Variants in FHAD1 observed in about 807,000 individuals in gnomAD.
FHAD1 encodes forkhead-associated domain-containing protein 1.
FHAD1 carries 146 observed loss-of-function variants against 191.3 expected under a neutral mutation model. That is an observed-to-expected ratio of 0.76 (90% CI 0.67 to 0.88). The LOEUF (loss-of-function observed/expected upper bound fraction) is 0.88, where lower values mean the gene tolerates loss of function less well. FHAD1 is among the 40% of genes least tolerant of loss of function. The probability of loss-of-function intolerance (pLI) is 0.00; values close to 1 mark genes in which losing one functional copy is unlikely to be tolerated. For missense variants in FHAD1, 1,635 were observed against 1,785.8 expected, an observed-to-expected ratio of 0.92 and a Z score of 1.52; for synonymous variants, 616 against 672.3, an observed-to-expected ratio of 0.92 and a Z score of 1.29.
intron 2 of FHAD1, among the ~76,000 whole-genome samples, chr1:15,259,977 C>A (rs976456886): frequency 1.3e-5 from 2 of 152,194 alleles, no homozygotes; most frequent in Non-Finnish European, 2.9e-5. Flanking sequence ...GGCCCTGCCA[C>A]CCACATGCAA....
chr1:15,379,901 C>T (rs974345910), intron 28 of FHAD1, among the ~76,000 whole-genome samples: 10 of 152,162 alleles, frequency 6.6e-5, no homozygotes, highest in Non-Finnish European at 1.2e-4. Flanking sequence ...TAGTACAGAA[C>T]GAAATGGAGT....
intron 4 of FHAD1, among the ~76,000 whole-genome samples, chr1:15,296,082 GC>G (rs1666863196): frequency 6.6e-6 from 1 of 152,116 alleles, no homozygotes; most frequent in African/African-American, 2.4e-5. Context: ...TAAACGATCT[GC>G]CCAAGATCAC....
rs1025539477 is a variant in FHAD1 at position 15,350,255 on chromosome 1, C to G, written c.2454+1106C>G. Among the ~76,000 whole-genome samples, 3 of 152,232 alleles carry G rather than the reference C, an allele frequency of 2.0e-5. No homozygotes were observed. The East Asian group carries it at 5.8e-4, about 29-fold the overall frequency. Reference sequence around the variant, plus strand: ...CAGGCTGCCAGAGCTTCCATCCTAGCGCAGGGGAGACAGACAGCCTGCGGA... The same window carrying G: ...CAGGCTGCCAGAGCTTCCATCCTAGGGCAGGGGAGACAGACAGCCTGCGGA... On this transcript the variant is annotated intron_variant, in intron 19 of 33. Transcript: ENST00000688493.
intron 4 of FHAD1, among the ~76,000 whole-genome samples, chr1:15,290,698 T>C (rs541955796): frequency 1.3e-5 from 2 of 151,716 alleles, no homozygotes; most frequent in South Asian, 4.2e-4. Context: ...TATGAACTTT[T>C]TTTTTTTTTT....
intron 3 of FHAD1, among the ~76,000 whole-genome samples, chr1:15,274,560 C>A (rs548622451): frequency 3.3e-5 from 5 of 151,584 alleles, no homozygotes; most frequent in Non-Finnish European, 7.4e-5. Context: ...TGCCGTGAGC[C>A]GAGATCATGC....
At chr1:15,383,059 A>G (rs3820067) in intron 31 of FHAD1, 109,023 of 448,310 alleles carry the variant, frequency 0.24, 13,618 homozygotes, top group African/African-American at 0.34. Context: ...AGCATGGTAC[A>G]GGAGTCAGCC....
chr1:15,331,771 A>G (rs563775373), intron 14 of FHAD1, among the ~76,000 whole-genome samples: 2 of 152,090 alleles, frequency 1.3e-5, no homozygotes, highest in South Asian at 2.1e-4. Flanking sequence ...AGGAAGGAAG[A>G]TTAAAGCCAT....
intron 24 of FHAD1, among the ~76,000 whole-genome samples, chr1:15,366,734 C>T (rs1040337683): frequency 2.6e-5 from 4 of 152,176 alleles, no homozygotes; most frequent in Non-Finnish European, 4.4e-5. Flanking sequence ...AGAGTAGGGG[C>T]AAAATAACTG....
At chr1:15,385,107 T>A (rs1037019288) in intron 31 of FHAD1, among the ~76,000 whole-genome samples, 1 of 123,628 alleles carries the variant, frequency 8.1e-6, no homozygotes. Flanking sequence ...CTCCTGTTTG[T>A]CAAGGGAAAA....
chr1:15,271,621 G>T (rs898758908), intron 2 of FHAD1, among the ~76,000 whole-genome samples: 2 of 29,780 alleles, frequency 6.7e-5, no homozygotes, highest in African/African-American at 2.6e-4. Context: ...ATAACTAATC[G>T]CATGGGAAAT....
At chr1:15,322,798 G>A (rs1676757976) in intron 10 of FHAD1, among the ~76,000 whole-genome samples, 1 of 152,188 alleles carries the variant, frequency 6.6e-6, no homozygotes, top group African/African-American at 2.4e-5. Flanking sequence ...AGGCGTCACG[G>A]CCAAAGGTGC....
intron 21 of FHAD1, among the ~76,000 whole-genome samples, chr1:15,360,226 T>C (rs989407762): frequency 6.6e-6 from 1 of 152,212 alleles, no homozygotes; most frequent in Non-Finnish European, 1.5e-5. Flanking sequence ...AGAAAGTGTC[T>C]GGGGCTACTC....
Position 15,272,456 on chromosome 1 carries a change from T to C in FHAD1, c.227T>C (p.Leu76Pro), listed in dbSNP as rs1395809025. Residue 76 changes from leucine (L) to proline (P), a missense_variant, in exon 3 of 34, where the codon CTC (leucine) becomes CCC (proline). Transcript: ENST00000688493. ...CACATTCAAAACGTGGCTGTGAAGC[T>C]CATCCCTGGAGACATCCTGAGATTT... ...ECHIQNVAVKLIPGDILRFGS... is the reference protein window; with the variant it reads ...ECHIQNVAVKPIPGDILRFGS... 2 of 1,551,258 alleles carry C rather than the reference T, an allele frequency of 1.3e-6. No homozygotes were observed. Among genetic ancestry groups the C allele is most frequent in the African/African-American group, 1.4e-5 (1 of 73,020 alleles).
intron 10 of FHAD1, among the ~76,000 whole-genome samples, chr1:15,323,642 T>C (rs1242375552): frequency 6.6e-6 from 1 of 152,212 alleles, no homozygotes; most frequent in East Asian, 1.9e-4. Flanking sequence ...TGCAAGTGCC[T>C]GAGCCCTGGC....
At chr1:15,365,744 A>C (rs1219969378) in intron 23 of FHAD1, 83 bp from the exon 24 acceptor site, 1 of 795,892 alleles carries the variant, frequency 1.3e-6, no homozygotes, top group Non-Finnish European at 2.1e-6. Context: ...ATCTCTTTGC[A>C]TTTGTACTTG....
At chr1:15,298,602 G>A (rs1000526096) in intron 5 of FHAD1, among the ~76,000 whole-genome samples, 1 of 152,164 alleles carries the variant, frequency 6.6e-6, no homozygotes, top group African/African-American at 2.4e-5. Flanking sequence ...AGCCTCTTAA[G>A]AACTTGCTTG....
chr1:15,279,631 G>T (rs1659824542), intron 3 of FHAD1, among the ~76,000 whole-genome samples: 1 of 149,238 alleles, frequency 6.7e-6, no homozygotes, highest in African/African-American at 2.5e-5. Flanking sequence ...TGCCCCACCT[G>T]TAATGAGGTG....
At chr1:15,296,064 C>T (rs889184731) in intron 4 of FHAD1, among the ~76,000 whole-genome samples, 5 of 152,062 alleles carry the variant, frequency 3.3e-5, no homozygotes, top group Admixed American at 2.6e-4. Flanking sequence ...ATGACCTGCC[C>T]GAGAGATTAA....
chr1:15,295,746 G>C (rs1266844902), intron 4 of FHAD1, among the ~76,000 whole-genome samples: 1 of 152,160 alleles, frequency 6.6e-6, no homozygotes, highest in Non-Finnish European at 1.5e-5. Flanking sequence ...TCTATTTCTT[G>C]TTATAAATCC....
Sources: allele counts gnomAD v4.1 joint callset (sites outside exome capture counted in the v4.1 genomes callset), GRCh38; gene constraint gnomAD v4.1.1; transcripts MANE v1.5; gene names NCBI Gene and HGNC (gene_info 2026-07-23, HGNC 2026-07-21).